Variants in NBEA observed in about 807,000 individuals in gnomAD.
NBEA encodes neurobeachin.
NBEA carries 44 observed loss-of-function variants against 343.4 expected under a neutral mutation model. The observed-to-expected ratio is 0.13, with a 90% CI of 0.10 to 0.16. The LOEUF (loss-of-function observed/expected upper bound fraction) is 0.16. Among genes scored for constraint, NBEA ranks in the 10% least tolerant of loss-of-function variants. The pLI is 1.00. For synonymous variants in NBEA, 1,175 were observed against 1,238.7 expected (o/e 0.95, Z 1.08); for missense variants, 2,555 against 3,631.3 (o/e 0.70, Z 7.62).
intron 18 of NBEA, among the ~76,000 whole-genome samples, chr13:35,153,627 A>C (rs765594943): frequency 6.6e-6 from 1 of 152,224 alleles, no homozygotes; most frequent in African/African-American, 2.4e-5. Flanking sequence ...TCTTCCTAGC[A>C]GTTTTATTAG....
At chr13:35,142,592 A>G (rs1369245298) in intron 18 of NBEA, among the ~76,000 whole-genome samples, 1 of 152,184 alleles carries the variant, frequency 6.6e-6, no homozygotes, top group Non-Finnish European at 1.5e-5. Context: ...TGTCGATCCA[A>G]GAGCTTTTCT....
rs575590626 is a variant in NBEA, at chr13:35,321,687, T to G, written c.5903+12095T>G. 1.8e-4 allele frequency among the ~76,000 whole-genome samples: 27 copies of G among 151,602 alleles called. No individual in the cohort carries two copies. The East Asian group carries it at 5.2e-3, about 29-fold the overall frequency. Reference sequence around the variant, plus strand: ...CAGGAACATTTAAGTCTGCTGAAGCTGCACCCACAGCCGCCCCTTCCCCCA... The same window carrying G: ...CAGGAACATTTAAGTCTGCTGAAGCGGCACCCACAGCCGCCCCTTCCCCCA... On this transcript the variant is annotated intron_variant, in intron 36 of 58. Coordinates refer to ENST00000379939, the MANE Select transcript of NBEA (RefSeq NM_001385012.1).
intron 45 of NBEA, among the ~76,000 whole-genome samples, chr13:35,577,643 T>G (rs2153034075): frequency 6.6e-6 from 1 of 152,152 alleles, no homozygotes; most frequent in East Asian, 1.9e-4. Context: ...CACATGGAAA[T>G]TTTATATAAT....
intron 31 of NBEA, among the ~76,000 whole-genome samples, chr13:35,208,339 A>T (rs943188831): frequency 6.6e-6 from 1 of 152,180 alleles, no homozygotes; most frequent in South Asian, 2.1e-4. Flanking sequence ...TAAGATGGAC[A>T]TTTTTTATGT....
intron 34 of NBEA, among the ~76,000 whole-genome samples, chr13:35,272,168 C>T (rs2034214531): frequency 6.6e-6 from 1 of 152,180 alleles, no homozygotes; most frequent in Non-Finnish European, 1.5e-5. Context: ...TCTGCAGAAA[C>T]CCTACAAGCC....
intron 38 of NBEA, among the ~76,000 whole-genome samples, chr13:35,360,086 C>G (rs769279697): frequency 6.6e-6 from 1 of 151,796 alleles, no homozygotes; most frequent in African/African-American, 2.4e-5. Flanking sequence ...TATTACACAG[C>G]TAAGTAATAG....
intron 38 of NBEA, among the ~76,000 whole-genome samples, chr13:35,405,841 A>C (rs533722145): frequency 3.3e-5 from 5 of 152,174 alleles, no homozygotes; most frequent in Non-Finnish European, 7.3e-5. Context: ...ACTTTCTTCC[A>C]AGTGTGGTAA....
intron 47 of NBEA, among the ~76,000 whole-genome samples, chr13:35,601,458 C>T (rs1292681674): frequency 1.3e-5 from 2 of 151,916 alleles, no homozygotes; most frequent in Admixed American, 6.6e-5. Context: ...AACAGAGTAA[C>T]GTCATATAGA....
At chr13:34,993,189 C>T (rs1566135353) in intron 1 of NBEA, among the ~76,000 whole-genome samples, 1 of 152,130 alleles carries the variant, frequency 6.6e-6, no homozygotes, top group Non-Finnish European at 1.5e-5. Context: ...CTCTTCATTT[C>T]TCGTTCATCT....
In NBEA at chr13:35,550,494, G is replaced by A. The variant is rs183274221; in HGVS notation, c.6603G>A (p.Glu2201=). Residue 2201 remains glutamate (E), a synonymous_variant, in exon 42 of 59, where the codon GAG becomes GAA. Transcript: ENST00000379939. ...TATTTTAGGTTCTTGCATACACTGAGGGACTTCACGGAAAATGGATGTTCA... is the reference window on the plus strand; with the variant it reads ...TATTTTAGGTTCTTGCATACACTGAAGGACTTCACGGAAAATGGATGTTCA... ...KIDTKVLAYT[E]GLHGKWMFSE... 2,174 of 1,611,240 alleles carry A rather than the reference G, an allele frequency of 1.3e-3. 2 individuals carry two copies. The highest frequency in any genetic ancestry group is 1.6e-3 in the Non-Finnish European group (1,921 of 1,177,716).
chr13:35,382,579 T>C (rs770633559), intron 38 of NBEA, among the ~76,000 whole-genome samples: 4 of 152,096 alleles, frequency 2.6e-5, no homozygotes, highest in Non-Finnish European at 5.9e-5. Flanking sequence ...CAATAAATAA[T>C]TGTGAAATGA....
chr13:35,609,646 CAG>C (rs1399301819), intron 48 of NBEA, among the ~76,000 whole-genome samples: 5 of 152,106 alleles, frequency 3.3e-5, no homozygotes, highest in Admixed American at 6.5e-5. Flanking sequence ...GTTATTTAAG[CAG>C]AGACTTTTTT....
At chr13:35,293,698 T>C (rs369596202) in intron 35 of NBEA, among the ~76,000 whole-genome samples, 3 of 152,046 alleles carry the variant, frequency 2.0e-5, no homozygotes, top group East Asian at 3.9e-4. Context: ...CTTTGATGAA[T>C]AGCAGATTTA....
At chr13:35,633,557 G>A (rs547273326) in intron 49 of NBEA, among the ~76,000 whole-genome samples, 60 of 151,888 alleles carry the variant, frequency 4.0e-4, no homozygotes, top group Middle Eastern at 3.4e-3. Flanking sequence ...TGGATAGAAA[G>A]ATGGGAATGA....
chr13:35,088,310 A>G (rs1243754040), intron 10 of NBEA, among the ~76,000 whole-genome samples: 1 of 151,908 alleles, frequency 6.6e-6, no homozygotes, highest in Non-Finnish European at 1.5e-5. Context: ...GGAAAACTCA[A>G]TATAGGGACT....
chr13:35,330,307 T>C (rs1036313095), intron 36 of NBEA, among the ~76,000 whole-genome samples: 2 of 152,082 alleles, frequency 1.3e-5, no homozygotes, highest in Non-Finnish European at 2.9e-5. Flanking sequence ...TAATAAAGAC[T>C]CAAGAAATGT....
chr13:35,500,509 T>G (rs770690873), intron 41 of NBEA, among the ~76,000 whole-genome samples: 1 of 152,050 alleles, frequency 6.6e-6, no homozygotes, highest in Admixed American at 6.6e-5. Context: ...AGCTGGTATA[T>G]AGTTGTTTGG....
In NBEA at chr13:35,159,372, A is replaced by C; in HGVS notation, c.3201A>C (p.Thr1067=). The part of the protein sequence containing the change: ...VDIKAEKVEA[T]EVKLDDMDLS... The stretch of plus-strand genomic sequence containing the variant: ...TAAAAGCAGAGAAAGTGGAAGCAAC[A>C]GAAGTAAAGCTCGATGATATGGATT... Residue 1067 remains threonine, a synonymous_variant, in exon 22 of 59, where the codon ACA becomes ACC. Transcript: ENST00000379939. 6.2e-7 allele frequency: 1 copy of C among 1,613,524 alleles called. No homozygotes were observed. Among genetic ancestry groups the C allele is most frequent in the Non-Finnish European group, 8.5e-7 (1 of 1,179,692 alleles).
rs1304217706 is a variant in NBEA at position 35,070,084 on chromosome 13, C to A, written c.1416C>A (p.Ser472=). The A allele has an allele frequency of 1.9e-6, 3 of 1,592,212 alleles. No individual in the cohort carries two copies. Among genetic ancestry groups the A allele is most frequent in the Non-Finnish European group, 2.6e-6 (3 of 1,168,742 alleles). Residue 472 remains serine (S), a synonymous_variant, in exon 9 of 59, where the codon TCC becomes TCA. Coordinates refer to ENST00000379939, the MANE Select transcript of NBEA (RefSeq NM_001385012.1). ...PKENASIFVH[S]PHALMLQDVK... is the part of the protein sequence containing the mutation. The stretch of plus-strand genomic sequence containing the variant: ...AGAATGCATCAATTTTTGTGCATTC[C>A]CCACATGCTCTAATGCTTCAGGTGG...
Sources: allele counts gnomAD v4.1 joint callset (sites outside exome capture counted in the v4.1 genomes callset), GRCh38; gene constraint gnomAD v4.1.1; transcripts MANE v1.5; gene names NCBI Gene and HGNC (gene_info 2026-07-23, HGNC 2026-07-21).